Variants in NPLOC4 observed in about 807,000 individuals in gnomAD.
NPLOC4 encodes nuclear protein localization protein 4 homolog.
NPLOC4 carries 18 observed loss-of-function variants against 80.6 expected under a neutral mutation model. The observed-to-expected ratio is 0.22, with a 90% CI of 0.15 to 0.33. The LOEUF (loss-of-function observed/expected upper bound fraction) is 0.33. Among genes scored for constraint, NPLOC4 ranks in the 10% least tolerant of loss-of-function variants. The pLI is 1.00. For synonymous variants in NPLOC4, 313 were observed against 301.5 expected (o/e 1.04, Z -0.39); for missense variants, 540 against 786.1 (o/e 0.69, Z 3.74).
At position 81,613,464 on chromosome 17, in the gene NPLOC4, C is replaced by T. The variant is rs369798780; in HGVS notation, c.240G>A (p.Ser80=). The T allele has an allele frequency of 1.9e-6, 3 of 1,613,788 alleles. No individual in the cohort carries two copies. The highest frequency in any genetic ancestry group is 1.7e-5 in the Admixed American group (1 of 59,952). The stretch of plus-strand genomic sequence containing the variant: ...TTTCAGATGAGGGCCCAGCAAGGCT[C>T]GAGGGAAACAGGAACAACAAATCGC... The part of the protein sequence containing the change: ...KHGDLLFLFP[S]SLAGPSSEME... Residue 80 remains serine (S), a synonymous_variant, in exon 4 of 17, where the codon TCG becomes TCA. Coordinates refer to ENST00000331134, the MANE Select transcript of NPLOC4 (RefSeq NM_017921.4).
intron 3 of NPLOC4, among the ~76,000 whole-genome samples, chr17:81,621,771 G>A (rs1294347623): frequency 6.6e-6 from 1 of 152,172 alleles, no homozygotes; most frequent in Non-Finnish European, 1.5e-5. Flanking sequence ...ACTCTACAGG[G>A]TGGCATGGGC....
intron 3 of NPLOC4, among the ~76,000 whole-genome samples, chr17:81,613,823 C>A (rs188878377): frequency 6.6e-6 from 1 of 152,210 alleles, no homozygotes; most frequent in Non-Finnish European, 1.5e-5. Flanking sequence ...GCCTCTCACC[C>A]TCTGCTTGGC....
chr17:81,577,047 C>T lies in NPLOC4; in HGVS notation c.1282-4959G>A, dbSNP rs1164165248. On this transcript the variant is annotated intron_variant, in intron 12 of 16. Coordinates refer to ENST00000331134, the MANE Select transcript of NPLOC4 (RefSeq NM_017921.4). This position sits in a 1 kb window ranked among gnomAD's most constrained non-coding sequence, Gnocchi z 4.3. ...AATGAGTTACAGGGTCCACCAAGTG[C>T]TGTTCACAGTGCCAGATGCCAACAA... Among the ~76,000 whole-genome samples the T allele has an allele frequency of 6.6e-6, 1 of 152,214 alleles. No individual in the cohort carries two copies. Among genetic ancestry groups the T allele is most frequent in the East Asian group, 1.9e-4 (1 of 5,196 alleles).
intron 6 of NPLOC4, 119 bp downstream of exon 6, chr17:81,608,609 G>A (rs2035264388): frequency 4.5e-6 from 3 of 668,166 alleles, no homozygotes; most frequent in Non-Finnish European, 8.0e-6. Flanking sequence ...AACTTTCAAA[G>A]GCGTGTGACC....
At chr17:81,606,415 C>G (rs567998146) in intron 7 of NPLOC4, among the ~76,000 whole-genome samples, 1 of 152,270 alleles carries the variant, frequency 6.6e-6, no homozygotes, top group South Asian at 2.1e-4. Context: ...TCCTCACAAC[C>G]ACTGAGGATT....
At chr17:81,594,092 T>C (rs1259521095) in intron 11 of NPLOC4, among the ~76,000 whole-genome samples, 1 of 151,170 alleles carries the variant, frequency 6.6e-6, no homozygotes, top group Admixed American at 6.6e-5. Context: ...GCTAACACGG[T>C]GAAACCCCGT....
At chr17:81,619,025 C>T (rs1244838481) in intron 3 of NPLOC4, among the ~76,000 whole-genome samples, 8 of 151,920 alleles carry the variant, frequency 5.3e-5, no homozygotes, top group Non-Finnish European at 1.2e-4. Flanking sequence ...TAAGAGTCAT[C>T]ACCACTCCCT....
chr17:81,588,857 A>T (rs2144138290), intron 12 of NPLOC4, 87 bp downstream of exon 12: 1 of 1,168,642 alleles, frequency 8.6e-7, no homozygotes, highest in Non-Finnish European at 1.2e-6. Flanking sequence ...CGGCTGCTAT[A>T]GGCAGAATGC....
chr17:81,630,076 G>C (rs2035890712), intron 1 of NPLOC4, among the ~76,000 whole-genome samples: 1 of 151,448 alleles, frequency 6.6e-6, no homozygotes, highest in African/African-American at 2.4e-5. Flanking sequence ...ACTATTTATA[G>C]AGTATATGTA....
rs530562256 is a variant in NPLOC4, at chr17:81,567,815, C to T, written c.1450-282G>A. 1.3e-5 allele frequency: 4 copies of T among 318,042 alleles called. No homozygotes were observed. In the East Asian group the frequency reaches 2.7e-4, roughly 22 times the overall value. 19.7% of individuals were successfully genotyped at this position (318,042 alleles called of 1,614,324 possible). ...GACTCAGACTGGCCAGGTGTGGAGG[C>T]TAACACAGTAATTCCAGCACTTTTT... On this transcript the variant is annotated intron_variant, in intron 14 of 16. Coordinates refer to ENST00000331134, the MANE Select transcript of NPLOC4 (RefSeq NM_017921.4). The surrounding 1 kb of genome is among the most constrained non-coding windows in gnomAD (Gnocchi z 4.5).
At chr17:81,581,347 G>GC in intron 12 of NPLOC4, among the ~76,000 whole-genome samples, 1 of 18,074 alleles carries the variant, frequency 5.5e-5, no homozygotes, top group African/African-American at 2.3e-4. Flanking sequence ...AGACTCCAAC[G>GC]CAAAAAAAAA....
intron 10 of NPLOC4, 138 bp from the exon 11 acceptor site, chr17:81,596,380 G>A: frequency 3.2e-6 from 3 of 943,858 alleles, no homozygotes; most frequent in Non-Finnish European, 3.1e-6. Context: ...GGTGGAGGCG[G>A]GAGGTCCACT....
Position 81,606,295 on chromosome 17 carries a change from A to G in NPLOC4, c.654+396T>C, listed in dbSNP as rs1186793392. 2.0e-5 allele frequency among the ~76,000 whole-genome samples: 3 copies of G among 152,224 alleles called. No homozygotes were observed. In the East Asian group the frequency reaches 5.8e-4, roughly 29 times the overall value. ...GACAAGGACAGCAGAACATCCAGAA[A>G]GGCCGGAACGCTCCCTCCTTCCTGA... On this transcript the variant is annotated intron_variant, in intron 7 of 16. Coordinates refer to ENST00000331134, the MANE Select transcript of NPLOC4 (RefSeq NM_017921.4).
intron 7 of NPLOC4, among the ~76,000 whole-genome samples, chr17:81,605,027 A>G (rs1319889696): frequency 1.3e-5 from 2 of 152,012 alleles, no homozygotes; most frequent in East Asian, 1.9e-4. Flanking sequence ...TTGGGAGGCC[A>G]AGGCGGGCGG....
chr17:81,616,623 G>A (rs925631033), intron 3 of NPLOC4, among the ~76,000 whole-genome samples: 56 of 150,462 alleles, frequency 3.7e-4, no homozygotes, highest in Admixed American at 6.6e-5. Flanking sequence ...CCAGCTACTC[G>A]GGAGGCTGAG....
At chr17:81,591,447 GAAAAAAAAA>G (rs71367067) in intron 11 of NPLOC4, among the ~76,000 whole-genome samples, 21 of 76,332 alleles carry the variant, frequency 2.8e-4, no homozygotes, top group African/African-American at 5.1e-4. Flanking sequence ...GAGTAAAACA[GAAAAAAAAA>G]AAAAAAAAAA....
chr17:81,585,430 A>G (rs968907645), intron 12 of NPLOC4, among the ~76,000 whole-genome samples: 1 of 151,778 alleles, frequency 6.6e-6, no homozygotes, highest in Non-Finnish European at 1.5e-5. Flanking sequence ...TAGGGAGGCC[A>G]AAGTGGGCAG....
At chr17:81,606,999 C>G (rs2035220375) in intron 6 of NPLOC4, among the ~76,000 whole-genome samples, 185 bp from the exon 7 acceptor site, 1 of 152,200 alleles carries the variant, frequency 6.6e-6, no homozygotes, top group Non-Finnish European at 1.5e-5. Context: ...CAGCACATTC[C>G]GAATCCCAGC....
intron 4 of NPLOC4, 178 bp downstream of exon 4, chr17:81,613,136 AAAAC>A: frequency 3.6e-6 from 2 of 552,406 alleles, no homozygotes; most frequent in South Asian, 4.3e-5. Context: ...CTAAAAAAAA[AAAAC>A]AAAAACCGAT....
Sources: gnomAD v4.1 joint callset for allele counts (sites outside exome capture counted in the v4.1 genomes callset) on GRCh38, gnomAD v4.1.1 for gene constraint, Gnocchi (gnomAD v3.1) non-coding constraint, MANE v1.5 for transcripts, NCBI Gene and HGNC (gene_info 2026-07-23, HGNC 2026-07-21) for gene names.